The following HERC3 variants were observed in gnomAD, a reference collection of about 807,000 sequenced individuals.
HERC3 encodes HECT and RLD domain containing E3 ubiquitin protein ligase 3.
A neutral mutation model predicts 129.9 loss-of-function variants in HERC3; 58 were observed. That is an observed-to-expected ratio of 0.45 (90% CI 0.36 to 0.56). HERC3 has a LOEUF of 0.56. Ranked by LOEUF, HERC3 falls within the 20% of genes least tolerant of loss-of-function variation. The pLI is 0.00. For synonymous variants in HERC3, 430 were observed against 451.0 expected, an observed-to-expected ratio of 0.95 and a Z score of 0.59; for missense variants, 835 against 1,244.2, an observed-to-expected ratio of 0.67 and a Z score of 4.95.
At chr4:88,693,454 T>C (rs780177542) in intron 23 of HERC3, 9 of 973,098 alleles carry the variant, frequency 9.2e-6, no homozygotes, top group Middle Eastern at 5.3e-4. Context: ...AAAGTTGCAT[T>C]TCTTTCACAC....
In HERC3 at chr4:88,687,237, A is replaced by T; in HGVS notation, c.2595A>T (p.Gly865=). 6.2e-7 allele frequency: 1 copy of T among 1,612,334 alleles called. No homozygotes were observed. Among genetic ancestry groups the T allele is most frequent in the South Asian group, 1.1e-5 (1 of 91,008 alleles). The part of the protein sequence containing the change: ...LNFTICRESY[G]VIEQKKLIPG... Reference sequence around the variant, plus strand: ...TATAGATCTGCCGAGAAAGCTATGGAGTGATTGAACAGAAGAAGCTGATAC... The same window carrying T: ...TATAGATCTGCCGAGAAAGCTATGGTGTGATTGAACAGAAGAAGCTGATAC... The change falls in exon 23 of 26, where the codon GGA becomes GGT. Residue 865 remains glycine, a synonymous_variant. Transcript: ENST00000402738.
chr4:88,535,951 G>C, the HERC3 span, among the ~76,000 whole-genome samples: 1 of 152,168 alleles, frequency 6.6e-6, no homozygotes, highest in Non-Finnish European at 1.5e-5. Flanking sequence ...TCCAATTCTT[G>C]GTTCCATTTC....
chr4:88,691,035 A>G (rs1734020081), intron 23 of HERC3, among the ~76,000 whole-genome samples: 1 of 152,210 alleles, frequency 6.6e-6, no homozygotes, highest in Non-Finnish European at 1.5e-5. Flanking sequence ...GAGGACAGAT[A>G]TGGGATAGAG....
chr4:88,553,018 A>G, the HERC3 span, among the ~76,000 whole-genome samples: 1 of 152,330 alleles, frequency 6.6e-6, no homozygotes, highest in Non-Finnish European at 1.5e-5. Flanking sequence ...ATTTGACCAA[A>G]TGAATTTTTC....
intron 3 of HERC3, among the ~76,000 whole-genome samples, chr4:88,627,897 T>G (rs1293728023): frequency 1.1e-5 from 1 of 90,836 alleles, no homozygotes; most frequent in Non-Finnish European, 2.0e-5. Context: ...AAAGCGAAAC[T>G]CCGTCTCAAA....
chr4:88,649,255 A>G (rs1187636965), intron 3 of HERC3, among the ~76,000 whole-genome samples: 1 of 152,112 alleles, frequency 6.6e-6, no homozygotes, highest in Non-Finnish European at 1.5e-5. Flanking sequence ...GGGAAGCTAG[A>G]CATTTCATTG....
chr4:88,706,757 C>G lies in HERC3; in HGVS notation c.2950C>G (p.Leu984Val). 1 of 1,614,074 alleles carries G rather than the reference C, an allele frequency of 6.2e-7. No homozygotes were observed. Among genetic ancestry groups the G allele is most frequent in the Non-Finnish European group, 8.5e-7 (1 of 1,179,956 alleles). ...CCATTTCTCGTTCTCCCCAGTGTTCCTGACAGGCAGCGATCGGATTCCCAT... is the reference window on the plus strand; with the variant it reads ...CCATTTCTCGTTCTCCCCAGTGTTCGTGACAGGCAGCGATCGGATTCCCAT... ...LEKKKKFLLF[L>V]TGSDRIPIYG... The change falls in exon 26 of 26, where the codon CTG (leucine) becomes GTG (valine). Residue 984 changes from leucine (L) to valine (V), a missense_variant. By Grantham distance (32) the Leu-to-Val change is conservative. Coordinates refer to ENST00000402738, the MANE Select transcript of HERC3 (RefSeq NM_014606.3).
intron 3 of HERC3, among the ~76,000 whole-genome samples, chr4:88,639,784 G>A (rs1399576589): frequency 1.3e-5 from 2 of 151,850 alleles, no homozygotes; most frequent in Admixed American, 6.6e-5. Context: ...AGAAACTCAT[G>A]AGTGAACAGG....
At chr4:88,573,533 C>G in the HERC3 span, among the ~76,000 whole-genome samples, 1 of 152,126 alleles carries the variant, frequency 6.6e-6, no homozygotes, top group Non-Finnish European at 1.5e-5. Context: ...CTAAACAGTT[C>G]AGAGCTTCCC....
intron 10 of HERC3, among the ~76,000 whole-genome samples, chr4:88,660,184 C>T (rs1403520557): frequency 6.6e-6 from 1 of 151,974 alleles, no homozygotes; most frequent in Admixed American, 6.6e-5. Flanking sequence ...CAAGAAAAAG[C>T]ACCTGTATAG....
Position 88,669,885 on chromosome 4 carries a change from G to A in HERC3, c.1659G>A (p.Pro553=), listed in dbSNP as rs375113325. Residue 553 remains proline (P), a synonymous_variant, in exon 15 of 26, where the codon CCG becomes CCA. Transcript: ENST00000402738. The part of the protein sequence containing the change: ...VLDNWWSQVC[P]KYFMKLVNLY... ...ATAACTGGTGGTCTCAGGTATGCCC[G>A]AAATATTTCATGAAGCTGGTAAACC... The A allele has an allele frequency of 5.6e-6, 9 of 1,613,282 alleles. No homozygotes were observed. Among genetic ancestry groups the A allele is most frequent in the African/African-American group, 5.3e-5 (4 of 74,884 alleles).
intron 3 of HERC3, among the ~76,000 whole-genome samples, chr4:88,638,185 C>T (rs912079037): frequency 1.3e-5 from 2 of 152,186 alleles, no homozygotes; most frequent in African/African-American, 4.8e-5. Context: ...GGTATCATTC[C>T]TTCAGAAACT....
the HERC3 span, among the ~76,000 whole-genome samples, chr4:88,531,837 GC>G: frequency 2.6e-5 from 4 of 152,292 alleles, no homozygotes; most frequent in African/African-American, 9.6e-5. Flanking sequence ...CTCTCTAGAT[GC>G]AAGGGGCAGT....
At position 88,677,950 on chromosome 4, in the gene HERC3, C is replaced by T. The variant is rs567499142; in HGVS notation, c.2026-14C>T. Reference sequence around the variant, plus strand: ...GTGCTCTGAGTAATTGCTTTCTTGACTGTGCCATTCCAGGTGGCAGTCAAT... The same window carrying T: ...GTGCTCTGAGTAATTGCTTTCTTGATTGTGCCATTCCAGGTGGCAGTCAAT... On this transcript the variant is annotated splice_polypyrimidine_tract_variant and intron_variant, in intron 18 of 25. Transcript: ENST00000402738. 7.8e-5 allele frequency: 126 copies of T among 1,609,122 alleles called. No homozygotes were observed. The South Asian group carries it at 1.3e-3, about 16-fold the overall frequency.
intron 14 of HERC3, among the ~76,000 whole-genome samples, chr4:88,669,434 A>T (rs1245335927): frequency 2.6e-5 from 4 of 152,164 alleles, no homozygotes; most frequent in Non-Finnish European, 5.9e-5. Flanking sequence ...AATGGTTGCC[A>T]TATTGGTGCT....
chr4:88,588,868 C>T (rs937605986), upstream of HERC3, among the ~76,000 whole-genome samples: 6 of 152,202 alleles, frequency 3.9e-5, no homozygotes, highest in African/African-American at 1.4e-4. Flanking sequence ...CATCCCCTTG[C>T]CACTGGGCAT....
chr4:88,543,354 A>G, the HERC3 span, among the ~76,000 whole-genome samples: 1 of 152,336 alleles, frequency 6.6e-6, no homozygotes, highest in African/African-American at 2.4e-5. Flanking sequence ...AGAGAATAAA[A>G]TACCTCGGAA....
chr4:88,665,060 A>G (rs767459722), intron 12 of HERC3, among the ~76,000 whole-genome samples: 3 of 152,192 alleles, frequency 2.0e-5, no homozygotes, highest in Non-Finnish European at 2.9e-5. Context: ...ATTAGACTTC[A>G]TTTCTGTGTG....
chr4:88,681,369 G>C (rs777612698), intron 21 of HERC3, 44 bp downstream of exon 21: 2 of 1,538,386 alleles, frequency 1.3e-6, no homozygotes, highest in East Asian at 4.5e-5. Context: ...TGTTGTGGCT[G>C]CCTCTGGCAT....
Sources: allele counts gnomAD v4.1 joint callset (sites outside exome capture counted in the v4.1 genomes callset), GRCh38; gene constraint gnomAD v4.1.1; transcripts MANE v1.5; gene names NCBI Gene and HGNC (gene_info 2026-07-23, HGNC 2026-07-21).